UPP2: variants seen among roughly 807,000 people sequenced by gnomAD.
UPP2 encodes uridine phosphorylase 2.
A neutral mutation model predicts 26.7 loss-of-function variants in UPP2; 23 were observed. The ratio of observed to expected loss-of-function variants is 0.86; its 90% CI spans 0.62 to 1.22. The LOEUF is 1.22. Among genes scored for constraint, UPP2 ranks in the 50% most tolerant of loss-of-function variants. UPP2 has a pLI of 0.00. For synonymous variants in UPP2, 127 were observed against 141.3 expected (o/e 0.90, Z 0.72); for missense variants, 387 against 396.7 (o/e 0.98, Z 0.21).
chr2:158,052,872 C>A (rs1056999449), intron 3 of UPP2, among the ~76,000 whole-genome samples: 3 of 152,096 alleles, frequency 2.0e-5, no homozygotes, highest in Admixed American at 6.6e-5. Context: ...CTGAAAACAG[C>A]GACAAACAAT....
chr2:158,075,929 C>A (rs1161168587), intron 3 of UPP2, among the ~76,000 whole-genome samples: 3 of 151,142 alleles, frequency 2.0e-5, no homozygotes, highest in Non-Finnish European at 4.4e-5. Flanking sequence ...ATTGAGAAAC[C>A]TTTAGCAAGA....
At chr2:158,130,815 G>C (rs1404248432) in intron 6 of UPP2, among the ~76,000 whole-genome samples, 2 of 152,130 alleles carry the variant, frequency 1.3e-5, no homozygotes, top group Non-Finnish European at 2.9e-5. Flanking sequence ...GATTCACTGC[G>C]CTTTCCCAAC....
rs546811713 is a variant in UPP2, at chr2:158,057,756, C to CT, written c.147+41877dup. On this transcript the variant is annotated intron_variant, in intron 3 of 9. Coordinates refer to the UPP2 transcript ENST00000605860. Reference sequence around the variant, plus strand: ...CAGATTCTTTTTTGTTTTTTAACTTCTTTTTTTGTTGTTCCAGGATGCTGT... The same window carrying CT: ...CAGATTCTTTTTTGTTTTTTAACTTCTTTTTTTTGTTGTTCCAGGATGCTGT... Among the ~76,000 whole-genome samples the CT allele has an allele frequency of 4.2e-3, 591 of 142,172 alleles. 4 individuals are homozygous for CT. Among genetic ancestry groups the CT allele is most frequent in the Admixed American group, 6.9e-3 (100 of 14,434 alleles). 93.3% of individuals were successfully genotyped at this position (142,172 alleles called of 152,430 possible). A position where few individuals can be genotyped will look rare whatever the true frequency, so the allele number is the denominator to read the frequency against.
chr2:158,074,339 G>A (rs1682591489), intron 3 of UPP2, among the ~76,000 whole-genome samples: 2 of 152,140 alleles, frequency 1.3e-5, no homozygotes, highest in South Asian at 4.1e-4. Context: ...TGGTGAACCA[G>A]TGAAAAATAA....
Position 158,065,553 on chromosome 2 carries a change from A to G in UPP2, c.148-36487A>G, listed in dbSNP as rs531409558. The G allele has an allele frequency of 3.0e-5, 15 of 503,352 alleles. 1 individual carries two copies. Among genetic ancestry groups the G allele is most frequent in the South Asian group, 1.7e-4 (10 of 58,342 alleles). 31.2% of individuals were successfully genotyped at this position (503,352 alleles called of 1,614,324 possible). On this transcript the variant is annotated intron_variant, in intron 3 of 9. Coordinates refer to the UPP2 transcript ENST00000605860. The stretch of plus-strand genomic sequence containing the variant: ...CTTTTAACTAAATTAACATGGCTCA[A>G]ATGAACTGTCCAGCTCCTGTGGAAG...
At chr2:158,033,305 ACTAGAGCC>A (rs1017899655) in intron 3 of UPP2, among the ~76,000 whole-genome samples, 1 of 152,112 alleles carries the variant, frequency 6.6e-6, no homozygotes, top group Non-Finnish European at 1.5e-5. Flanking sequence ...TCTCTGCCAC[ACTAGAGCC>A]CTGGCGGCAA....
upstream of UPP2, among the ~76,000 whole-genome samples, chr2:158,097,930 C>T (rs1054786864): frequency 2.0e-4 from 30 of 152,002 alleles, no homozygotes; most frequent in African/African-American, 6.8e-4. Flanking sequence ...TCATAGTGCA[C>T]ACTCCCGTCT....
chr2:158,040,056 G>A (rs959594018), intron 3 of UPP2, among the ~76,000 whole-genome samples: 4 of 152,226 alleles, frequency 2.6e-5, no homozygotes, highest in African/African-American at 7.2e-5. Flanking sequence ...TGAAAAGGAA[G>A]TTAAAAATGA....
intron 3 of UPP2, among the ~76,000 whole-genome samples, chr2:158,072,527 C>T (rs186540014): frequency 1.3e-5 from 2 of 152,014 alleles, no homozygotes; most frequent in South Asian, 2.1e-4. Context: ...TTAGGCAATA[C>T]CCAGTGGTGT....
intron 4 of UPP2, among the ~76,000 whole-genome samples, chr2:158,121,190 A>G (rs1683558543): frequency 6.6e-6 from 1 of 152,018 alleles, no homozygotes; most frequent in Non-Finnish European, 1.5e-5. Flanking sequence ...CTTGAAATCT[A>G]AACCCCATCA....
At chr2:158,012,550 G>A (rs1325293050) in intron 2 of UPP2, among the ~76,000 whole-genome samples, 2 of 151,962 alleles carry the variant, frequency 1.3e-5, no homozygotes, top group Non-Finnish European at 2.9e-5. Flanking sequence ...TTACAGGTGT[G>A]AGCCACCGTG....
At chr2:158,125,244 A>G (rs1414123463) in intron 6 of UPP2, among the ~76,000 whole-genome samples, 1 of 152,198 alleles carries the variant, frequency 6.6e-6, no homozygotes, top group Non-Finnish European at 1.5e-5. Context: ...TAATCTACAC[A>G]TTACAAACAG....
At chr2:158,000,453 C>G (rs1317821422) in intron 2 of UPP2, among the ~76,000 whole-genome samples, 3 of 152,236 alleles carry the variant, frequency 2.0e-5, no homozygotes, top group Non-Finnish European at 4.4e-5. Flanking sequence ...AAGAGACTGG[C>G]TGCAGTAGCA....
upstream of UPP2, among the ~76,000 whole-genome samples, chr2:158,096,955 C>T (rs956432848): frequency 3.9e-5 from 6 of 151,974 alleles, no homozygotes; most frequent in Non-Finnish European, 8.8e-5. Flanking sequence ...TTGGATAAAT[C>T]TTCAACTGTA....
chr2:158,007,560 C>T (rs886064284), intron 2 of UPP2, among the ~76,000 whole-genome samples: 4 of 152,064 alleles, frequency 2.6e-5, no homozygotes, highest in Admixed American at 1.3e-4. Flanking sequence ...CTTTTAACAC[C>T]GGCCAGTTCC....
At chr2:158,131,122 G>T (rs1431982519) in intron 6 of UPP2, among the ~76,000 whole-genome samples, 1 of 152,198 alleles carries the variant, frequency 6.6e-6, no homozygotes, top group East Asian at 1.9e-4. Context: ...AGGGAGCAAA[G>T]GTAGTGTTTG....
chr2:158,006,885 A>C (rs1683499829), intron 2 of UPP2, among the ~76,000 whole-genome samples: 1 of 152,222 alleles, frequency 6.6e-6, no homozygotes, highest in Non-Finnish European at 1.5e-5. Flanking sequence ...AGACAGGGTC[A>C]GGAAAGGTGA....
chr2:158,036,998 A>G (rs1464863278), intron 3 of UPP2, among the ~76,000 whole-genome samples: 1 of 152,150 alleles, frequency 6.6e-6, no homozygotes, highest in East Asian at 1.9e-4. Context: ...CCTATCTTCA[A>G]GTTCATTTAT....
At chr2:158,049,793 C>T (rs1682118730) in intron 3 of UPP2, among the ~76,000 whole-genome samples, 1 of 152,104 alleles carries the variant, frequency 6.6e-6, no homozygotes, top group South Asian at 2.1e-4. Flanking sequence ...GGGAATATTA[C>T]CTAGGGAGAA....
Sources: allele counts gnomAD v4.1 joint callset (sites outside exome capture counted in the v4.1 genomes callset), GRCh38; gene constraint gnomAD v4.1.1; transcripts MANE v1.5; gene names NCBI Gene and HGNC (gene_info 2026-07-23, HGNC 2026-07-21).